The following KDM4B variants were observed in gnomAD, a reference collection of about 807,000 sequenced individuals.
KDM4B encodes the protein lysine demethylase 4B, also known as lysine-specific demethylase 4B.
Under a neutral mutation model 125.2 loss-of-function variants are expected in KDM4B, and 32 were observed. The observed-to-expected ratio is 0.26, with a 90% CI of 0.19 to 0.34. KDM4B has a LOEUF of 0.34. Among genes scored for constraint, KDM4B ranks in the 10% least tolerant of loss-of-function variants. KDM4B has a pLI of 1.00. For missense variants in KDM4B, 1,190 were observed against 1,577.7 expected (o/e 0.75, Z 4.16); for synonymous variants, 721 against 677.9 (o/e 1.06, Z -0.99).
intron 5 of KDM4B, among the ~76,000 whole-genome samples, chr19:5,044,935 C>A (rs972303954): frequency 6.6e-6 from 1 of 152,166 alleles, no homozygotes; most frequent in Non-Finnish European, 1.5e-5. Flanking sequence ...GAGCTCATTT[C>A]TTTTCAGCGC....
chr19:4,984,229 G>A (rs897673777), intron 1 of KDM4B, among the ~76,000 whole-genome samples: 3 of 152,306 alleles, frequency 2.0e-5, no homozygotes, highest in Admixed American at 6.5e-5. Context: ...GTTGGGCCCC[G>A]GGAGGTCACA....
intron 1 of KDM4B, among the ~76,000 whole-genome samples, chr19:4,969,941 C>T (rs892297074): frequency 1.3e-5 from 2 of 152,204 alleles, no homozygotes; most frequent in African/African-American, 4.8e-5. Flanking sequence ...ACGAGTCTCT[C>T]CGTCCCTCCC....
At chr19:5,022,021 C>T (rs1054593973) in intron 2 of KDM4B, among the ~76,000 whole-genome samples, 12 of 152,104 alleles carry the variant, frequency 7.9e-5, no homozygotes, top group South Asian at 4.1e-4. Flanking sequence ...AATGTGTGAT[C>T]GTCCGTTTGT....
At chr19:5,019,014 A>ATTGGTGTGCAGGTGTTGGTGTGGACG (rs1372068770) in intron 2 of KDM4B, among the ~76,000 whole-genome samples, 2 of 151,020 alleles carry the variant, frequency 1.3e-5, no homozygotes, top group Admixed American at 6.6e-5. Flanking sequence ...TGCTGTGGAC[A>ATTGGTGTGCAGGTGTTGGTGTGGACG]TTGGTGTGCA....
chr19:5,134,425 G>A (rs770977883), intron 14 of KDM4B, among the ~76,000 whole-genome samples: 3 of 152,136 alleles, frequency 2.0e-5, no homozygotes, highest in Non-Finnish European at 4.4e-5. Flanking sequence ...GCCGGGCGGG[G>A]CTCCCGCAAA....
chr19:5,137,878 C>T (rs1411213077), intron 17 of KDM4B, 84 bp from the exon 18 acceptor site: 11 of 1,262,348 alleles, frequency 8.7e-6, no homozygotes, highest in Admixed American at 6.1e-5. Flanking sequence ...CTGACCCAGC[C>T]GACAGCCACA....
chr19:5,144,483 T>C, intron 20 of KDM4B, 71 bp downstream of exon 20: 1 of 939,490 alleles, frequency 1.1e-6, no homozygotes, highest in South Asian at 1.6e-5. Context: ...CCTGAGAGCA[T>C]CACGGTGAGC....
At chr19:5,044,741 G>A (rs556674901) in intron 5 of KDM4B, among the ~76,000 whole-genome samples, 9 of 151,742 alleles carry the variant, frequency 5.9e-5, no homozygotes, top group Admixed American at 2.0e-4. Flanking sequence ...GCTCCCCCTC[G>A]TCATTCCTCC....
chr19:5,012,088 C>T (rs1313982058), intron 1 of KDM4B, among the ~76,000 whole-genome samples: 4 of 152,148 alleles, frequency 2.6e-5, no homozygotes, highest in African/African-American at 7.2e-5. Context: ...TGTCATGCTG[C>T]GGTGGGCTCC....
chr19:4,980,526 T>C (rs1310705560), intron 1 of KDM4B, among the ~76,000 whole-genome samples: 3 of 149,612 alleles, frequency 2.0e-5, no homozygotes, highest in African/African-American at 7.4e-5. Context: ...TGGGTTCAAG[T>C]GATTCTCCTG....
intron 11 of KDM4B, among the ~76,000 whole-genome samples, chr19:5,120,445 C>G (rs1200124519): frequency 6.6e-6 from 1 of 152,248 alleles, no homozygotes; most frequent in Non-Finnish European, 1.5e-5. Flanking sequence ...GGGCCCCCGT[C>G]AGCAGGTCTC....
At chr19:5,144,952 G>A (rs80337736) in intron 21 of KDM4B, 50 bp downstream of exon 21, 2 of 1,610,442 alleles carry the variant, frequency 1.2e-6, no homozygotes, top group Admixed American at 1.7e-5. Context: ...AGCTCTTCTT[G>A]TAGGTGCGGG....
At position 5,142,741 on chromosome 19, in the gene KDM4B, C is replaced by T. The variant is rs2039767536; in HGVS notation, c.2551-1226C>T. ...GAGGCCGTGCTGGAGTGATGCCTGG[C>T]GCGTGTTGTGTGATGGGAGAATTGG... On this transcript the variant is annotated intron_variant, in intron 18 of 22. Transcript: ENST00000159111. The surrounding 1 kb of genome is among the most constrained non-coding windows in gnomAD (Gnocchi z 5.4). 6.6e-6 allele frequency among the ~76,000 whole-genome samples: 1 copy of T among 151,986 alleles called. No individual in the cohort carries two copies. Among genetic ancestry groups the T allele is most frequent in the Non-Finnish European group, 1.5e-5 (1 of 68,020 alleles).
At chr19:5,038,042 C>G (rs963138058) in intron 3 of KDM4B, among the ~76,000 whole-genome samples, 1 of 152,274 alleles carries the variant, frequency 6.6e-6, no homozygotes, top group Non-Finnish European at 1.5e-5. Flanking sequence ...GCCAGCGATG[C>G]AGGCGTCAAC....
Position 5,114,137 on chromosome 19 carries a change from TCA to T in KDM4B, c.1115+3322_1115+3323del. The T allele has an allele frequency of 7.8e-7, 1 of 1,289,322 alleles. No homozygotes were observed. The highest frequency in any genetic ancestry group is 1.2e-5 in the South Asian group (1 of 81,000). 79.9% of individuals were successfully genotyped at this position (1,289,322 alleles called of 1,614,324 possible). On this transcript the variant is annotated intron_variant, in intron 10 of 22. Transcript: ENST00000159111. This position sits in a 1 kb window ranked among gnomAD's most constrained non-coding sequence, Gnocchi z 5.8. ...TGGTGCCCTGCCTGAGCCGGAGCCC[TCA>T]CAGTGCTCTCTGGCACCCACGCGAC...
In KDM4B at chr19:5,131,264, C is replaced by G. The variant is rs748843584; in HGVS notation, c.1504C>G (p.Leu502Val). Residue 502 changes from leucine to valine, a missense_variant, in exon 12 of 23, where the codon CTG becomes GTG. Around this residue, in one of 7 missense-constraint regions of KDM4B, gnomAD observed 428 missense variants for 405.1 expected, o/e 1.06. Transcript: ENST00000159111. ...PGPAAMEESP[L>V]PAPLNVVPPE... Reference sequence around the variant, plus strand: ...CCCTGCAGCCATGGAGGAGAGCCCCCTGCCGGCACCCCTTAATGTCGTGCC... The same window carrying G: ...CCCTGCAGCCATGGAGGAGAGCCCCGTGCCGGCACCCCTTAATGTCGTGCC... The G allele has an allele frequency of 6.2e-7, 1 of 1,610,130 alleles. No homozygotes were observed. Among genetic ancestry groups the G allele is most frequent in the African/African-American group, 1.3e-5 (1 of 74,860 alleles).
intron 2 of KDM4B, among the ~76,000 whole-genome samples, chr19:5,025,563 G>A (rs977861449): frequency 1.3e-5 from 2 of 152,184 alleles, no homozygotes; most frequent in African/African-American, 4.8e-5. Context: ...TGAACCACCT[G>A]TCGGCTTCCC....
intron 10 of KDM4B, chr19:5,111,732 G>T: frequency 1.3e-6 from 1 of 763,786 alleles, no homozygotes; most frequent in Non-Finnish European, 2.4e-6. Context: ...CTCCTCCGGG[G>T]AAGGGCCAGA....
intron 1 of KDM4B, among the ~76,000 whole-genome samples, chr19:5,003,522 T>C (rs1007837545): frequency 6.6e-6 from 1 of 151,618 alleles, no homozygotes; most frequent in South Asian, 2.1e-4. Flanking sequence ...AATAAATCCC[T>C]GCTTGGCCAG....
Sources: allele counts gnomAD v4.1 joint callset (sites outside exome capture counted in the v4.1 genomes callset), GRCh38; gene constraint gnomAD v4.1.1; regional missense constraint gnomAD v4.1.1; non-coding constraint Gnocchi (gnomAD v3.1); transcripts MANE v1.5; gene names NCBI Gene and HGNC (gene_info 2026-07-23, HGNC 2026-07-21).